The following RBFOX1 variants were observed in gnomAD, a reference collection of about 807,000 sequenced individuals.
The protein encoded by RBFOX1 is RNA binding protein fox-1 homolog 1.
RBFOX1 carries 8 observed loss-of-function variants against 57.7 expected under a neutral mutation model. The observed-to-expected ratio is 0.14, with a 90% CI of 0.08 to 0.25. The LOEUF (loss-of-function observed/expected upper bound fraction) is 0.25. Among genes scored for constraint, RBFOX1 ranks in the 10% least tolerant of loss-of-function variants. The pLI is 1.00. For synonymous variants in RBFOX1, 326 were observed against 222.4 expected (o/e 1.47, Z -4.15); for missense variants, 611 against 548.5 (o/e 1.11, Z -1.14).
intron 4 of RBFOX1, among the ~76,000 whole-genome samples, chr16:6,013,865 A>C (rs1224834133): frequency 2.0e-5 from 3 of 151,854 alleles, no homozygotes; most frequent in Non-Finnish European, 4.4e-5. Flanking sequence ...GGCAAGGAAA[A>C]AAAAACAAAC....
chr16:6,217,714 C>G (rs1269449649), intron 1 of RBFOX1, among the ~76,000 whole-genome samples: 2 of 152,180 alleles, frequency 1.3e-5, no homozygotes, highest in African/African-American at 4.8e-5. Context: ...CTAGTAGGCC[C>G]TCACAAATAT....
At chr16:6,296,970 C>T (rs1014003594) in intron 1 of RBFOX1, among the ~76,000 whole-genome samples, 9 of 152,146 alleles carry the variant, frequency 5.9e-5, no homozygotes, top group African/African-American at 2.2e-4. Context: ...GCCCCAAGGG[C>T]TACTGGTTGC....
intron 2 of RBFOX1, among the ~76,000 whole-genome samples, chr16:6,336,170 TATATATATATA>T (rs1351553788): frequency 1.2e-4 from 3 of 25,146 alleles, no homozygotes; most frequent in African/African-American, 1.7e-4. Flanking sequence ...TATATATATA[TATATATATATA>T]TTTTTTTTTT....
intron 3 of RBFOX1, among the ~76,000 whole-genome samples, chr16:6,871,263 C>G (rs558765481): frequency 4.3e-4 from 66 of 152,268 alleles, no homozygotes; most frequent in African/African-American, 1.5e-3. Context: ...TCGGCTCACT[C>G]TAACCTCCCC....
chr16:7,608,360 A>T (rs2056764071), intron 10 of RBFOX1, among the ~76,000 whole-genome samples: 1 of 152,226 alleles, frequency 6.6e-6, no homozygotes, highest in Non-Finnish European at 1.5e-5. Flanking sequence ...ATTTAAGTTA[A>T]AAATCTGGTA....
chr16:7,311,425 T>C (rs185621767), intron 4 of RBFOX1, among the ~76,000 whole-genome samples: 1 of 151,630 alleles, frequency 6.6e-6, no homozygotes, highest in Non-Finnish European at 1.5e-5. Context: ...TGACTCCAAT[T>C]TCCCAGGCCT....
chr16:7,204,269 C>A (rs940212231), intron 4 of RBFOX1, among the ~76,000 whole-genome samples: 1 of 152,226 alleles, frequency 6.6e-6, no homozygotes, highest in African/African-American at 2.4e-5. Flanking sequence ...TGCAGCATCA[C>A]TCAAGGCCAT....
intron 1 of RBFOX1, among the ~76,000 whole-genome samples, chr16:6,198,775 A>G (rs745781000): frequency 2.0e-5 from 3 of 152,168 alleles, no homozygotes; most frequent in Non-Finnish European, 4.4e-5. Context: ...TAGTATTAAT[A>G]TAGCCTGGCT....
rs117210635 is a variant in RBFOX1, at chr16:6,666,692, G to C, written c.-16+12042G>C. ...ATGCTTCACAGGAAGAAGAAAATAC[G>C]TCCCTTCTGTGCTCCTCATGCTCAG... On this transcript the variant is annotated intron_variant, in intron 3 of 15. Transcript: ENST00000550418. Among the ~76,000 whole-genome samples the C allele has an allele frequency of 4.2e-4, 64 of 152,192 alleles. 1 individual carries two copies. The East Asian group carries it at 5.0e-3, about 12-fold the overall frequency.
At chr16:6,856,841 A>G (rs1005083422) in intron 3 of RBFOX1, among the ~76,000 whole-genome samples, 2 of 152,152 alleles carry the variant, frequency 1.3e-5, no homozygotes, top group Non-Finnish European at 2.9e-5. Flanking sequence ...TGATTGACAG[A>G]TCCCTTAATT....
intron 1 of RBFOX1, among the ~76,000 whole-genome samples, chr16:6,144,578 T>A (rs1228967228): frequency 6.6e-6 from 1 of 152,220 alleles, no homozygotes; most frequent in African/African-American, 2.4e-5. Flanking sequence ...GCATCCCATG[T>A]AATTTCTTGT....
In RBFOX1 at chr16:5,872,357, C is replaced by T. The variant is rs181824221; in HGVS notation, c.351+5022C>T. Among the ~76,000 whole-genome samples, 3 of 152,268 alleles carry T rather than the reference C, an allele frequency of 2.0e-5. No homozygotes were observed. In the East Asian group the frequency reaches 5.8e-4, roughly 29 times the overall value. On this transcript the variant is annotated intron_variant, in intron 4 of 19. Transcript: ENST00000641259. ...TGACTGTAGTCAAGTTACTTAACTG[C>T]TAAGCAAGTCTTTTCTCCACAAAAT...
intron 1 of RBFOX1, among the ~76,000 whole-genome samples, chr16:6,169,754 C>T (rs1326750297): frequency 6.6e-6 from 1 of 152,076 alleles, no homozygotes; most frequent in Non-Finnish European, 1.5e-5. Context: ...GGCACATGCT[C>T]CTAAGTTAGG....
chr16:7,404,048 A>ATTTTATTTTATTTTATTTTC (rs2098292512), intron 4 of RBFOX1, among the ~76,000 whole-genome samples: 1 of 147,860 alleles, frequency 6.8e-6, no homozygotes, highest in African/African-American at 2.5e-5. Flanking sequence ...ATTTTATTTT[A>ATTTTATTTTATTTTATTTTC]TTTTATTTTA....
chr16:6,161,027 C>A (rs951622013), intron 1 of RBFOX1, among the ~76,000 whole-genome samples: 1 of 152,192 alleles, frequency 6.6e-6, no homozygotes, highest in Non-Finnish European at 1.5e-5. Context: ...GTGGTGTTTC[C>A]CAGCTTTATT....
At chr16:5,295,804 G>C (rs1042575027) in intron 1 of RBFOX1, among the ~76,000 whole-genome samples, 1 of 152,162 alleles carries the variant, frequency 6.6e-6, no homozygotes, top group Non-Finnish European at 1.5e-5. Context: ...CATTAACAGG[G>C]AAGAGGTTGT....
intron 3 of RBFOX1, among the ~76,000 whole-genome samples, chr16:6,935,615 C>CA (rs996300060): frequency 2.6e-5 from 4 of 152,196 alleles, no homozygotes; most frequent in Non-Finnish European, 4.4e-5. Context: ...TGCATGTACA[C>CA]ACAAGCACAC....
At chr16:7,709,805 A>G (rs2083654863) in intron 15 of RBFOX1, 2 of 1,259,076 alleles carry the variant, frequency 1.6e-6, no homozygotes, top group South Asian at 1.6e-5. Context: ...ACTTGCCTGT[A>G]CTTGTTCAAA....
chr16:7,428,494 T>TTTTTTATTATTA (rs71391634), intron 4 of RBFOX1, among the ~76,000 whole-genome samples: 2 of 128,732 alleles, frequency 1.6e-5, no homozygotes, highest in Non-Finnish European at 3.2e-5. Context: ...TCCTGGCTAT[T>TTTTTTATTATTA]TTATTATTAT....
Sources: allele counts gnomAD v4.1 joint callset (sites outside exome capture counted in the v4.1 genomes callset), GRCh38; gene constraint gnomAD v4.1.1; transcripts MANE v1.5; gene names NCBI Gene and HGNC (gene_info 2026-07-23, HGNC 2026-07-21).